The following SCAMP4 variants were observed in gnomAD, a reference collection of about 807,000 sequenced individuals.
SCAMP4 encodes the protein secretory carrier membrane protein 4.
Under a neutral mutation model 32.1 loss-of-function variants are expected in SCAMP4, and 19 were observed. That is an observed-to-expected ratio of 0.59 (90% CI 0.41 to 0.87). SCAMP4 has a LOEUF of 0.87. Ranked by LOEUF, SCAMP4 falls within the 40% of genes least tolerant of loss-of-function variation. The pLI, the probability that SCAMP4 is intolerant of heterozygous loss-of-function variation, is 0.00. For synonymous variants in SCAMP4, 152 were observed against 132.7 expected, an observed-to-expected ratio of 1.15 and a Z score of -1.00; for missense variants, 302 against 309.0, an observed-to-expected ratio of 0.98 and a Z score of 0.17.
chr19:1,919,012 G>A lies in SCAMP4; in HGVS notation c.395+22G>A, dbSNP rs79211827. On this transcript the variant is annotated intron_variant, in intron 5 of 6. Transcript: ENST00000316097. The stretch of plus-strand genomic sequence containing the variant: ...CGTGGTAAGCCTCTCTCTGATGGGC[G>A]TGGTGGCTGTGATGTGGCTCAGCTG... 6.7e-3 allele frequency: 10,568 copies of A among 1,584,604 alleles called. 616 individuals carry two copies. In the African/African-American group the frequency reaches 0.12, roughly 19 times the overall value.
At chr19:1,915,155 TC>T in intron 2 of SCAMP4, 129 bp downstream of exon 2, 1 of 1,086,210 alleles carries the variant, frequency 9.2e-7, no homozygotes, top group Non-Finnish European at 1.4e-6. Context: ...CTCTGACTCC[TC>T]GGGTCCCGTA....
chr19:1,920,705 C>T (rs1348868624), intron 5 of SCAMP4: 1 of 985,424 alleles, frequency 1.0e-6, no homozygotes, highest in African/African-American at 1.7e-5. Flanking sequence ...CCTGAGCTCC[C>T]AGCTGCCAGC....
intron 1 of SCAMP4, chr19:1,906,163 C>G (rs1291394855): frequency 6.6e-6 from 1 of 151,752 alleles, no homozygotes. Flanking sequence ...AGTTCGAGAC[C>G]AGCCTGTCTA....
intron 1 of SCAMP4, chr19:1,905,769 TCCTC>T (rs2013079537): frequency 6.6e-6 from 1 of 152,330 alleles, no homozygotes; most frequent in Non-Finnish European, 1.5e-5. Flanking sequence ...CGGTGGCCCT[TCCTC>T]AGGTCATGTC....
intron 4 of SCAMP4, 46 bp from the exon 5 acceptor site, chr19:1,918,843 A>G: frequency 1.3e-6 from 2 of 1,567,820 alleles, no homozygotes; most frequent in African/African-American, 2.7e-5. Flanking sequence ...CGCGTCTGGG[A>G]GAAGCCAGGG....
chr19:1,905,503 G>A (rs1428299672), intron 1 of SCAMP4, 64 bp downstream of exon 1: 1 of 423,178 alleles, frequency 2.4e-6, no homozygotes, highest in Non-Finnish European at 5.0e-6. Context: ...GGGGAGTAGG[G>A]GCTGACATGG....
chr19:1,919,405 C>T (rs2013846529), intron 5 of SCAMP4: 2 of 985,328 alleles, frequency 2.0e-6, no homozygotes, highest in Non-Finnish European at 2.4e-6. Flanking sequence ...GCTGTTACCA[C>T]ACCTGAGAAA....
chr19:1,920,364 C>A, intron 5 of SCAMP4: 1 of 928,470 alleles, frequency 1.1e-6, no homozygotes, highest in Non-Finnish European at 1.3e-6. Context: ...AGATCAGAAT[C>A]CAGATAAGGT....
At chr19:1,918,587 C>G in intron 4 of SCAMP4, 1 of 498,674 alleles carries the variant, frequency 2.0e-6, no homozygotes, top group South Asian at 2.6e-5. Context: ...CATGGTGAAA[C>G]GCTGTCTCTA....
At position 1,908,996 on chromosome 19, in the gene SCAMP4, TA is replaced by T. The variant is rs2013289890; in HGVS notation, c.-42+3558del. On this transcript the variant is annotated intron_variant, in intron 1 of 6. Transcript: ENST00000316097. This position sits in a 1 kb window ranked among gnomAD's most constrained non-coding sequence, Gnocchi z 4.2. ...GGCATGTGCCTGTATTCCCAGCTAC[TA>T]GGGGGGCTGAGGCAGGAGAATCGCT... Among the ~76,000 whole-genome samples the T allele has an allele frequency of 2.0e-5, 3 of 151,822 alleles. No homozygotes were observed. Among genetic ancestry groups the T allele is most frequent in the Non-Finnish European group, 4.4e-5 (3 of 67,982 alleles).
chr19:1,912,764 C>T (rs371260833), intron 1 of SCAMP4: 3 of 1,557,950 alleles, frequency 1.9e-6, no homozygotes, highest in East Asian at 2.4e-5. Context: ...CCCTCCTGCA[C>T]GCCGTCATGG....
At position 1,924,642 on chromosome 19, in the gene SCAMP4, C is replaced by T. The variant is rs2145466226; in HGVS notation, c.*358C>T. The T allele has an allele frequency of 1.0e-5, 3 of 291,574 alleles. No individual in the cohort carries two copies. Among genetic ancestry groups the T allele is most frequent in the Non-Finnish European group, 2.1e-5 (3 of 145,500 alleles). 18.1% of individuals were successfully genotyped at this position (291,574 alleles called of 1,614,324 possible). A position where few individuals can be genotyped will look rare whatever the true frequency, so the allele number is the denominator to read the frequency against. On this transcript the variant is annotated 3_prime_UTR_variant, in exon 7 of 7. Coordinates refer to ENST00000316097, the MANE Select transcript of SCAMP4 (RefSeq NM_079834.4). ...GACAGGTGGCAGCAGGTCGGCCGCC[C>T]TCCCGTCCTCCCAGAGCTGCTGGCG...
chr19:1,912,888 G>C (rs781430687), intron 1 of SCAMP4: 5 of 1,606,450 alleles, frequency 3.1e-6, no homozygotes, highest in Non-Finnish European at 4.2e-6. Context: ...CGCAGGCGCC[G>C]TGCGTAAACT....
chr19:1,908,514 A>T lies in SCAMP4; in HGVS notation c.-42+3075A>T, dbSNP rs750587045. 2 of 470,898 alleles carry T rather than the reference A, an allele frequency of 4.2e-6. No homozygotes were observed. The highest frequency in any genetic ancestry group is 8.8e-6 in the Non-Finnish European group (2 of 227,016). 29.2% of individuals were successfully genotyped at this position (470,898 alleles called of 1,614,324 possible). A position where few individuals can be genotyped will look rare whatever the true frequency, so the allele number is the denominator to read the frequency against. ...GGAGGAGCCGTCCATACCAGCGGGG[A>T]TGTGTAGTCCAGGCTGGCAGTTCAG... On this transcript the variant is annotated intron_variant, in intron 1 of 6. Transcript: ENST00000316097. This position sits in a 1 kb window ranked among gnomAD's most constrained non-coding sequence, Gnocchi z 4.2.
At chr19:1,915,156 C>G (rs1033680971) in intron 2 of SCAMP4, 130 bp downstream of exon 2, 5 of 1,085,364 alleles carry the variant, frequency 4.6e-6, no homozygotes, top group Admixed American at 1.8e-5. Flanking sequence ...TCTGACTCCT[C>G]GGGTCCCGTA....
chr19:1,918,065 C>T, intron 3 of SCAMP4, 62 bp from the exon 4 acceptor site: 1 of 1,558,472 alleles, frequency 6.4e-7, no homozygotes, highest in Non-Finnish European at 8.7e-7. Context: ...TTGCTGGGCC[C>T]ATGCTTTCCC....
intron 1 of SCAMP4, chr19:1,913,361 C>T: frequency 2.8e-6 from 2 of 707,082 alleles, no homozygotes; most frequent in Non-Finnish European, 4.6e-6. Flanking sequence ...CGGTGCCCTT[C>T]TGCGGCCGCC....
At chr19:1,922,377 G>A (rs1359245402) in intron 5 of SCAMP4, 1 of 715,848 alleles carries the variant, frequency 1.4e-6, no homozygotes, top group East Asian at 1.3e-4. Context: ...TGGGATTACA[G>A]GCATGCGCCC....
intron 1 of SCAMP4, among the ~76,000 whole-genome samples, chr19:1,911,408 G>A (rs1391216036): frequency 6.6e-6 from 1 of 152,048 alleles, no homozygotes; most frequent in Non-Finnish European, 1.5e-5. Flanking sequence ...CTGGGCTCAA[G>A]TGATCCCCCC....
Sources: allele counts gnomAD v4.1 joint callset (sites outside exome capture counted in the v4.1 genomes callset), GRCh38; gene constraint gnomAD v4.1.1; non-coding constraint Gnocchi (gnomAD v3.1); transcripts MANE v1.5; gene names NCBI Gene and HGNC (gene_info 2026-07-23, HGNC 2026-07-21).